Variants in TENM4 observed in about 807,000 individuals in gnomAD.
The protein encoded by TENM4 is teneurin transmembrane protein 4.
Under a neutral mutation model 243.3 loss-of-function variants are expected in TENM4, and 82 were observed. That is an observed-to-expected ratio of 0.34 (90% CI 0.28 to 0.40). The LOEUF (loss-of-function observed/expected upper bound fraction) is 0.40. Ranked by LOEUF, TENM4 falls within the 10% of genes least tolerant of loss-of-function variation. The pLI is 1.00. For synonymous variants in TENM4, 1,412 were observed against 1,456.3 expected, an observed-to-expected ratio of 0.97 and a Z score of 0.69; for missense variants, 3,138 against 3,673.3, an observed-to-expected ratio of 0.85 and a Z score of 3.77.
At chr11:79,197,380 C>T (rs959966185) in intron 3 of TENM4, among the ~76,000 whole-genome samples, 1 of 152,016 alleles carries the variant, frequency 6.6e-6, no homozygotes, top group Non-Finnish European at 1.5e-5. Context: ...GGCCCAACCC[C>T]AGCTCAGTGG....
At chr11:78,789,659 C>T (rs1857013793) in intron 15 of TENM4, among the ~76,000 whole-genome samples, 1 of 152,144 alleles carries the variant, frequency 6.6e-6, no homozygotes, top group Non-Finnish European at 1.5e-5. Flanking sequence ...AGAAAGCATA[C>T]TATTCACTGA....
chr11:78,751,911 C>T (rs1182437395), intron 19 of TENM4, among the ~76,000 whole-genome samples: 1 of 152,184 alleles, frequency 6.6e-6, no homozygotes, highest in Non-Finnish European at 1.5e-5. Flanking sequence ...AGTGGACACC[C>T]TTCACTGTAT....
chr11:79,106,701 G>C (rs1861378090), intron 4 of TENM4, among the ~76,000 whole-genome samples: 1 of 152,226 alleles, frequency 6.6e-6, no homozygotes, highest in Admixed American at 6.5e-5. Flanking sequence ...CCGAGGTTCA[G>C]AAAGGAATGG....
At chr11:79,213,536 T>C (rs1473578522) in intron 3 of TENM4, among the ~76,000 whole-genome samples, 1 of 152,228 alleles carries the variant, frequency 6.6e-6, no homozygotes, top group East Asian at 1.9e-4. Context: ...CTCAGATTCT[T>C]GCAGCCTAGT....
At chr11:79,124,987 A>T (rs1234217217) in intron 4 of TENM4, among the ~76,000 whole-genome samples, 2 of 150,520 alleles carry the variant, frequency 1.3e-5, no homozygotes, top group Non-Finnish European at 3.0e-5. Context: ...TTTTGGGACC[A>T]GGAGTGGTTC....
At chr11:78,973,040 G>A (rs971299032) in intron 6 of TENM4, among the ~76,000 whole-genome samples, 2 of 152,228 alleles carry the variant, frequency 1.3e-5, no homozygotes, top group Admixed American at 1.3e-4. Context: ...AAATAACATT[G>A]CATTGTATGG....
At chr11:79,273,838 G>T (rs1856009154) in intron 2 of TENM4, among the ~76,000 whole-genome samples, 1 of 152,202 alleles carries the variant, frequency 6.6e-6, no homozygotes, top group Non-Finnish European at 1.5e-5. Context: ...TAGATTTAAT[G>T]CCAGGAACAA....
At chr11:79,236,827 G>A (rs1001701431) in intron 2 of TENM4, among the ~76,000 whole-genome samples, 1 of 152,180 alleles carries the variant, frequency 6.6e-6, no homozygotes, top group African/African-American at 2.4e-5. Context: ...ACAGGAGGTG[G>A]TGACTATGCT....
At chr11:78,929,106 T>G (rs1175884071) in intron 6 of TENM4, among the ~76,000 whole-genome samples, 1 of 150,574 alleles carries the variant, frequency 6.6e-6, no homozygotes. Flanking sequence ...GAAGTCCATC[T>G]CACCCTCAGA....
intron 6 of TENM4, among the ~76,000 whole-genome samples, chr11:79,025,055 G>A (rs1219187324): frequency 1.3e-5 from 2 of 152,146 alleles, no homozygotes; most frequent in Non-Finnish European, 2.9e-5. Context: ...GCTCCTTTGG[G>A]AACCCCTGGA....
chr11:78,676,986 G>A (rs1212094435), intron 29 of TENM4, among the ~76,000 whole-genome samples: 1 of 152,174 alleles, frequency 6.6e-6, no homozygotes, highest in Non-Finnish European at 1.5e-5. Flanking sequence ...GGGCAGGAGG[G>A]AACGTGGAGC....
At chr11:78,714,387 AG>A (rs1376115194) in intron 25 of TENM4, among the ~76,000 whole-genome samples, 1 of 141,336 alleles carries the variant, frequency 7.1e-6, no homozygotes, top group African/African-American at 3.0e-5. Flanking sequence ...CTACCTCGAA[AG>A]GGGCCAGGCA....
At chr11:78,800,852 T>C (rs1317673432) in intron 15 of TENM4, among the ~76,000 whole-genome samples, 1 of 152,026 alleles carries the variant, frequency 6.6e-6, no homozygotes, top group South Asian at 2.1e-4. Flanking sequence ...CTCCGCCACT[T>C]ATGAGTCGGG....
chr11:78,998,907 T>A (rs1042494372), intron 6 of TENM4, among the ~76,000 whole-genome samples: 4 of 152,166 alleles, frequency 2.6e-5, no homozygotes, highest in African/African-American at 9.7e-5. Flanking sequence ...TGAGGATGCA[T>A]AAATGAAGGC....
At chr11:79,298,311 C>G (rs570565242) in intron 1 of TENM4, among the ~76,000 whole-genome samples, 133 of 151,726 alleles carry the variant, frequency 8.8e-4, no homozygotes, top group Admixed American at 3.6e-3. Context: ...GTCAGGAGAT[C>G]GAGACCATCC....
intron 1 of TENM4, among the ~76,000 whole-genome samples, chr11:79,352,850 C>T (rs1269156713): frequency 6.6e-6 from 1 of 152,122 alleles, no homozygotes; most frequent in Non-Finnish European, 1.5e-5. Flanking sequence ...GCTTTCTGTG[C>T]ACCAGGCCCA....
At chr11:79,371,709 TTCA>T in intron 1 of TENM4, among the ~76,000 whole-genome samples, 1 of 152,140 alleles carries the variant, frequency 6.6e-6, no homozygotes, top group South Asian at 2.1e-4. Context: ...CTTGAGAAAA[TTCA>T]CAAAGGAAAT....
intron 12 of TENM4, among the ~76,000 whole-genome samples, chr11:78,823,075 C>T (rs894389793): frequency 3.3e-5 from 5 of 152,194 alleles, no homozygotes; most frequent in African/African-American, 1.2e-4. Context: ...CGTCTCCCAG[C>T]GGTGCCCCGT....
intron 4 of TENM4, among the ~76,000 whole-genome samples, chr11:79,085,246 G>T (rs909516035): frequency 6.6e-6 from 1 of 151,750 alleles, no homozygotes; most frequent in Non-Finnish European, 1.5e-5. Context: ...GTGTGGTGGC[G>T]GGCACCTGTA....
Sources: allele counts gnomAD v4.1 joint callset (sites outside exome capture counted in the v4.1 genomes callset), GRCh38; gene constraint gnomAD v4.1.1; transcripts MANE v1.5; gene names NCBI Gene and HGNC (gene_info 2026-07-23, HGNC 2026-07-21).